Variants in LY6G6F observed in about 807,000 individuals in gnomAD.
LY6G6F encodes lymphocyte antigen 6 complex locus protein G6f.
A neutral mutation model predicts 33.0 loss-of-function variants in LY6G6F; 26 were observed. That is an observed-to-expected ratio of 0.79 (90% CI 0.58 to 1.09). The LOEUF (loss-of-function observed/expected upper bound fraction) is 1.09. Among genes scored for constraint, LY6G6F ranks in the 50% least tolerant of loss-of-function variants. The probability of loss-of-function intolerance (pLI) is 0.00; values close to 1 mark genes in which losing one functional copy is unlikely to be tolerated. For missense variants in LY6G6F, 317 were observed against 372.0 expected (o/e 0.85, Z 1.22); for synonymous variants, 132 against 148.1 (o/e 0.89, Z 0.79).
Position 31,707,076 on chromosome 6 carries a change from C to A in LY6G6F, c.52+118C>A. 3 of 1,071,170 alleles carry A rather than the reference C, an allele frequency of 2.8e-6. No homozygotes were observed. The highest frequency in any genetic ancestry group is 2.9e-6 in the Non-Finnish European group (2 of 701,496). The allele number at this position is 1,071,170 out of a possible 1,614,324, so 66.4% of individuals were successfully genotyped here. A position where few individuals can be genotyped will look rare whatever the true frequency, so the allele number is the denominator to read the frequency against. On this transcript the variant is annotated intron_variant, in intron 1 of 5. Transcript: ENST00000375832. This position sits in a 1 kb window ranked among gnomAD's most constrained non-coding sequence, Gnocchi z 4.1. The stretch of plus-strand genomic sequence containing the variant: ...ACTCAAGAAGATAGAATTACCCCAA[C>A]CAACCTCCTCCTGCCTCTGACACTA...
In LY6G6F at chr6:31,707,530, A is replaced by T; in HGVS notation, c.125A>T (p.His42Leu). The change falls in exon 2 of 6, where the codon CAT becomes CTT. Residue 42 changes from histidine to leucine, a missense_variant. Transcript: ENST00000375832. The surrounding 1 kb of genome is among the most constrained non-coding windows in gnomAD (Gnocchi z 4.1). ...CCATGTCCCTCACCACCTACTCTAC[A>T]TGGGGACGAACACCTGTCATGGTTC... ...ELPCPSPPTL[H>L]GDEHLSWFCS... The T allele has an allele frequency of 2.5e-6, 4 of 1,614,118 alleles. No homozygotes were observed. Among genetic ancestry groups the T allele is most frequent in the Non-Finnish European group, 3.4e-6 (4 of 1,180,004 alleles).
Position 31,710,494 on chromosome 6 carries a change from G to C in LY6G6F, c.870-73G>C. ...TGGAGAGGAAACACGGGTTGGGTTG[G>C]GGATGGGCCCTCGTTCCTGAGGATG... On this transcript the variant is annotated intron_variant, in intron 5 of 5. Transcript: ENST00000375832. The surrounding 1 kb of genome is among the most constrained non-coding windows in gnomAD (Gnocchi z 4.7). 1 of 1,613,716 alleles carries C rather than the reference G, an allele frequency of 6.2e-7. No homozygotes were observed. Among genetic ancestry groups the C allele is most frequent in the East Asian group, 2.2e-5 (1 of 44,886 alleles).
At chr6:31,709,554 G>C (rs775322479) in intron 3 of LY6G6F, among the ~76,000 whole-genome samples, 3 of 151,894 alleles carry the variant, frequency 2.0e-5, no homozygotes, top group African/African-American at 7.3e-5. Flanking sequence ...CACAGCGCCC[G>C]GCCTCTTTTT....
Position 31,706,879 on chromosome 6 carries a change from G to A in LY6G6F, c.-28G>A. ...TCCTCCCTGGGGACACCAGGTCTTG[G>A]AGCAAGAGAACTTGGCAGGCTCTCC... On this transcript the variant is annotated 5_prime_UTR_variant, in exon 1 of 6. Coordinates refer to ENST00000375832, the MANE Select transcript of LY6G6F (RefSeq NM_001003693.3). 6.2e-7 allele frequency: 1 copy of A among 1,613,572 alleles called. No individual in the cohort carries two copies. Among genetic ancestry groups the A allele is most frequent in the Non-Finnish European group, 8.5e-7 (1 of 1,179,564 alleles).
intron 3 of LY6G6F, among the ~76,000 whole-genome samples, chr6:31,708,720 A>AG (rs1471733774): frequency 9.9e-5 from 15 of 152,094 alleles, no homozygotes; most frequent in African/African-American, 1.2e-4. Flanking sequence ...TGAGGTTGGG[A>AG]GTTCAAGACC....
At chr6:31,709,064 C>CT (rs71552074) in intron 3 of LY6G6F, among the ~76,000 whole-genome samples, 7,921 of 52,206 alleles carry the variant, frequency 0.15, 2,918 homozygotes, top group African/African-American at 0.27. Context: ...CACGCCTGGC[C>CT]TTTTTTTTTT....
At position 31,710,487 on chromosome 6, in the gene LY6G6F, T is replaced by C. The variant is rs1204346572; in HGVS notation, c.869+69T>C. On this transcript the variant is annotated intron_variant, in intron 5 of 5. Coordinates refer to ENST00000375832, the MANE Select transcript of LY6G6F (RefSeq NM_001003693.3). This position sits in a 1 kb window ranked among gnomAD's most constrained non-coding sequence, Gnocchi z 4.7. ...CTGGGGATGGAGAGGAAACACGGGT[T>C]GGGTTGGGGATGGGCCCTCGTTCCT... The C allele has an allele frequency of 3.7e-6, 6 of 1,613,568 alleles. No homozygotes were observed. The highest frequency in any genetic ancestry group is 4.2e-6 in the Non-Finnish European group (5 of 1,179,570).
intron 3 of LY6G6F, 139 bp from the exon 4 acceptor site, chr6:31,709,886 GA>G: frequency 1.2e-6 from 1 of 847,436 alleles, no homozygotes; most frequent in Non-Finnish European, 1.8e-6. Flanking sequence ...TAGGGTGGAG[GA>G]TATTGTGGGC....
rs1467306722 is a variant in LY6G6F, at chr6:31,710,248, C to T, written c.802+67C>T. On this transcript the variant is annotated intron_variant, in intron 4 of 5. Transcript: ENST00000375832. The surrounding 1 kb of genome is among the most constrained non-coding windows in gnomAD (Gnocchi z 4.7). ...TGGGAGGCAAAGGGCTAGGCTCACA[C>T]CCCGCCTCTGTACCCCACCTCCTCT... The T allele has an allele frequency of 3.7e-6, 6 of 1,610,884 alleles. No individual in the cohort carries two copies. Among genetic ancestry groups the T allele is most frequent in the Middle Eastern group, 1.6e-4 (1 of 6,078 alleles).
At chr6:31,708,950 A>G (rs941833213) in intron 3 of LY6G6F, among the ~76,000 whole-genome samples, 1 of 151,648 alleles carries the variant, frequency 6.6e-6, no homozygotes, top group Non-Finnish European at 1.5e-5. Flanking sequence ...TATTTTTAGT[A>G]GAGACGGGGT....
Position 31,707,600 on chromosome 6 carries a change from C to T in LY6G6F, c.195C>T (p.Val65=). Residue 65 remains valine (V), a synonymous_variant, in exon 2 of 6, where the codon GTC becomes GTT. Transcript: ENST00000375832. This position sits in a 1 kb window ranked among gnomAD's most constrained non-coding sequence, Gnocchi z 4.1. ...CCTTCACCACCCTGGTAGCCCAAGT[C>T]CAAGTGGGCAGGCCAGCCCCAGACC... ...AGSFTTLVAQ[V]QVGRPAPDPG... The T allele has an allele frequency of 1.9e-6, 3 of 1,613,954 alleles. No individual in the cohort carries two copies. Among genetic ancestry groups the T allele is most frequent in the Non-Finnish European group, 2.5e-6 (3 of 1,179,896 alleles).
chr6:31,709,916 T>G (rs1373723034), intron 3 of LY6G6F, 110 bp from the exon 4 acceptor site: 4 of 1,140,402 alleles, frequency 3.5e-6, no homozygotes, highest in African/African-American at 1.6e-5. Context: ...TTACAAAGTC[T>G]TCTGTTGGAA....
Position 31,707,313 on chromosome 6 carries a change from T to A in LY6G6F, c.53-145T>A. 1 of 710,668 alleles carries A rather than the reference T, an allele frequency of 1.4e-6. No individual in the cohort carries two copies. The highest frequency in any genetic ancestry group is 2.4e-6 in the Non-Finnish European group (1 of 421,822). The allele number at this position is 710,668 out of a possible 1,614,324, so 44.0% of individuals were successfully genotyped here. On this transcript the variant is annotated intron_variant, in intron 1 of 5. Coordinates refer to ENST00000375832, the MANE Select transcript of LY6G6F (RefSeq NM_001003693.3). The surrounding 1 kb of genome is among the most constrained non-coding windows in gnomAD (Gnocchi z 4.1). ...CCCTCTTCTCTCCACCTGTCTTATT[T>A]TTGTAGCTGTCACTTGAGAAATGTG...
At position 31,708,113 on chromosome 6, in the gene LY6G6F, G is replaced by T. The variant is rs1347337579; in HGVS notation, c.625G>T (p.Gly209Trp). 1.3e-6 allele frequency: 2 copies of T among 1,575,020 alleles called. No homozygotes were observed. The highest frequency in any genetic ancestry group is 1.2e-5 in the South Asian group (1 of 85,596). Reference sequence around the variant, plus strand: ...CCGCTGCCTCATGACTCACAACAAAGGGGTCAGCTTTAGCCTGGCAGGTAA... The same window carrying T: ...CCGCTGCCTCATGACTCACAACAAATGGGTCAGCTTTAGCCTGGCAGGTAA... Reference protein sequence around the residue: ...IIRCLMTHNKGVSFSLAASID... With the variant: ...IIRCLMTHNKWVSFSLAASID... Residue 209 changes from glycine (G) to tryptophan (W), a missense_variant, in exon 3 of 6, where the codon GGG (glycine) becomes TGG (tryptophan). Gly to Trp is a radical substitution (Grantham distance 184). Transcript: ENST00000375832.
At chr6:31,709,946 G>A (rs544818007) in intron 3 of LY6G6F, 80 bp from the exon 4 acceptor site, 1 of 1,430,222 alleles carries the variant, frequency 7.0e-7, no homozygotes, top group African/African-American at 1.4e-5. Context: ...AGACTGTGGA[G>A]GGGAAGCCTC....
At position 31,707,395 on chromosome 6, in the gene LY6G6F, G is replaced by C. The variant is rs1430632428; in HGVS notation, c.53-63G>C. ...AGAAGGGAAGGAAGCCAGGGTTGAA[G>C]ATCAAATGGGGGGTTATTGATCTGA... On this transcript the variant is annotated intron_variant, in intron 1 of 5. Transcript: ENST00000375832. This position sits in a 1 kb window ranked among gnomAD's most constrained non-coding sequence, Gnocchi z 4.1. 1 of 1,487,510 alleles carries C rather than the reference G, an allele frequency of 6.7e-7. No individual in the cohort carries two copies. Among genetic ancestry groups the C allele is most frequent in the East Asian group, 2.3e-5 (1 of 43,776 alleles). 92.1% of individuals were successfully genotyped at this position (1,487,510 alleles called of 1,614,324 possible).
Position 31,710,501 on chromosome 6 carries a change from G to T in LY6G6F, c.870-66G>T. Reference sequence around the variant, plus strand: ...GAAACACGGGTTGGGTTGGGGATGGGCCCTCGTTCCTGAGGATGTGAAAAG... The same window carrying T: ...GAAACACGGGTTGGGTTGGGGATGGTCCCTCGTTCCTGAGGATGTGAAAAG... On this transcript the variant is annotated intron_variant, in intron 5 of 5. Coordinates refer to ENST00000375832, the MANE Select transcript of LY6G6F (RefSeq NM_001003693.3). The surrounding 1 kb of genome is among the most constrained non-coding windows in gnomAD (Gnocchi z 4.7). 1 of 1,613,542 alleles carries T rather than the reference G, an allele frequency of 6.2e-7. No individual in the cohort carries two copies. The highest frequency in any genetic ancestry group is 1.6e-4 in the Middle Eastern group (1 of 6,062).
In LY6G6F at chr6:31,706,921, C is replaced by T. The variant is rs764020395; in HGVS notation, c.15C>T (p.Phe5=). 1 of 1,614,100 alleles carries T rather than the reference C, an allele frequency of 6.2e-7. No individual in the cohort carries two copies. The highest frequency in any genetic ancestry group is 1.1e-5 in the South Asian group (1 of 91,082). Residue 5 remains phenylalanine (F), a synonymous_variant, in exon 1 of 6, where the codon TTC becomes TTT. Transcript: ENST00000375832. The part of the protein sequence containing the change: MAVL[F]LLLFLCGTPQ... ...AGGCTCTCCCCATGGCAGTCTTATT[C>T]CTCCTCCTGTTCCTATGTGGAACTC...
rs1182708460 is a variant in LY6G6F, at chr6:31,707,530, A to G, written c.125A>G (p.His42Arg). The change falls in exon 2 of 6, where the codon CAT (histidine) becomes CGT (arginine). Residue 42 changes from histidine (H) to arginine (R), a missense_variant. Physicochemically the swap from His to Arg is conservative, Grantham distance 29 (BLOSUM62 0). Coordinates refer to ENST00000375832, the MANE Select transcript of LY6G6F (RefSeq NM_001003693.3). This position sits in a 1 kb window ranked among gnomAD's most constrained non-coding sequence, Gnocchi z 4.1. ...CCATGTCCCTCACCACCTACTCTAC[A>G]TGGGGACGAACACCTGTCATGGTTC... ...ELPCPSPPTLHGDEHLSWFCS... is the reference protein window; with the variant it reads ...ELPCPSPPTLRGDEHLSWFCS... 2.5e-6 allele frequency: 4 copies of G among 1,614,000 alleles called. No individual in the cohort carries two copies. The East Asian group carries it at 6.7e-5, about 27-fold the overall frequency.
Sources: allele counts gnomAD v4.1 joint callset (sites outside exome capture counted in the v4.1 genomes callset), GRCh38; gene constraint gnomAD v4.1.1; non-coding constraint Gnocchi (gnomAD v3.1); transcripts MANE v1.5; gene names NCBI Gene and HGNC (gene_info 2026-07-23, HGNC 2026-07-21).